The following ZNF526 variants were observed in gnomAD, a reference collection of about 807,000 sequenced individuals.
ZNF526 encodes zinc finger protein 526.
Under a neutral mutation model 32.4 loss-of-function variants are expected in ZNF526, and 16 were observed. That is an observed-to-expected ratio of 0.49 (90% CI 0.33 to 0.75). ZNF526 has a LOEUF of 0.75. ZNF526 is among the 30% of genes least tolerant of loss of function. The pLI is 0.02. For missense variants in ZNF526, 838 were observed against 920.7 expected, an observed-to-expected ratio of 0.91 and a Z score of 1.16; for synonymous variants, 355 against 363.4, an observed-to-expected ratio of 0.98 and a Z score of 0.26.
At chr19:42,221,044 A>G (rs1225360296) in intron 1 of ZNF526, among the ~76,000 whole-genome samples, 1 of 152,208 alleles carries the variant, frequency 6.6e-6, no homozygotes, top group African/African-American at 2.4e-5. Context: ...GTAGATAAGG[A>G]AAGTTTAGCT....
Position 42,226,884 on chromosome 19 carries a change from C to T in ZNF526, c.*468C>T. The T allele has an allele frequency of 3.9e-6, 1 of 253,616 alleles. No individual in the cohort carries two copies. Among genetic ancestry groups the T allele is most frequent in the South Asian group, 5.4e-5 (1 of 18,396 alleles). The allele number at this position is 253,616 out of a possible 1,614,324, so 15.7% of individuals were successfully genotyped here. ...GAGGGTACTTGATTTCTCTGGGCTT[C>T]CTTCATCTCAATTCTGACAGTGTGG... On this transcript the variant is annotated 3_prime_UTR_variant, in exon 3 of 3. Coordinates refer to ENST00000301215, the MANE Select transcript of ZNF526 (RefSeq NM_133444.3).
rs372668627 is a variant in ZNF526 at position 42,225,579 on chromosome 19, C to G, written c.1176C>G (p.Cys392Trp). 6.2e-7 allele frequency: 1 copy of G among 1,608,084 alleles called. No homozygotes were observed. The change falls in exon 3 of 3, where the codon TGC becomes TGG. Residue 392 changes from cysteine (C) to tryptophan (W), a missense_variant. Cys to Trp is a radical substitution (Grantham distance 215). Transcript: ENST00000301215. ...CCAACCCATTGCATCGCTGTCGTTG[C>G]GGCAAGACGTTCAGCAACATGACCA... ...HTANPLHRCR[C>W]GKTFSNMTKF... is the part of the protein sequence containing the mutation.
chr19:42,222,876 G>T (rs1258102900), intron 1 of ZNF526, among the ~76,000 whole-genome samples: 1 of 151,910 alleles, frequency 6.6e-6, no homozygotes, highest in Admixed American at 6.6e-5. Context: ...TCTTGGCAAA[G>T]GGAATAGCAA....
chr19:42,224,497 G>C lies in ZNF526; in HGVS notation c.94G>C (p.Glu32Gln), dbSNP rs757883823. The C allele has an allele frequency of 1.2e-6, 2 of 1,614,224 alleles. No individual in the cohort carries two copies. The highest frequency in any genetic ancestry group is 2.2e-5 in the South Asian group (2 of 91,092). ...MSTPMSAEMMEMSTEVTEMTP... is the reference protein window; with the variant it reads ...MSTPMSAEMMQMSTEVTEMTP... ...AACACCTATGTCGGCAGAGATGATG[G>C]AGATGTCAACAGAAGTGACTGAGAT... The change falls in exon 3 of 3, where the codon GAG becomes CAG. Residue 32 changes from glutamate (E) to glutamine (Q), a missense_variant. Coordinates refer to ENST00000301215, the MANE Select transcript of ZNF526 (RefSeq NM_133444.3).
intron 1 of ZNF526, among the ~76,000 whole-genome samples, chr19:42,222,582 C>T (rs546793640): frequency 2.6e-5 from 4 of 152,158 alleles, no homozygotes; most frequent in Non-Finnish European, 4.4e-5. Flanking sequence ...GGGTTGAGCC[C>T]ACATACGTAG....
chr19:42,224,493 G>T lies in ZNF526; in HGVS notation c.90G>T (p.Met30Ile). The change falls in exon 3 of 3, where the codon ATG (methionine) becomes ATT (isoleucine). Residue 30 changes from methionine to isoleucine, a missense_variant. Transcript: ENST00000301215. ...VEMSTPMSAE[M>I]MEMSTEVTEM... ...TGTCAACACCTATGTCGGCAGAGAT[G>T]ATGGAGATGTCAACAGAAGTGACTG... 1 of 1,614,210 alleles carries T rather than the reference G, an allele frequency of 6.2e-7. No homozygotes were observed.
At position 42,222,296 on chromosome 19, in the gene ZNF526, G is replaced by C. The variant is rs2036132834; in HGVS notation, c.-109+1909G>C. 2.0e-5 allele frequency among the ~76,000 whole-genome samples: 3 copies of C among 151,836 alleles called. No individual in the cohort carries two copies. In the South Asian group the frequency reaches 6.2e-4, roughly 32 times the overall value. ...GTAGAGACGGGGTTTCATCATGTTG[G>C]CCAGCATGGTCTCGATCTCTTGACC... On this transcript the variant is annotated intron_variant, in intron 1 of 2. Transcript: ENST00000301215.
chr19:42,222,748 T>G (rs1005133620), intron 1 of ZNF526, among the ~76,000 whole-genome samples: 1 of 152,166 alleles, frequency 6.6e-6, no homozygotes, highest in Non-Finnish European at 1.5e-5. Context: ...CTCATGATAT[T>G]TGCCATGATA....
Position 42,225,356 on chromosome 19 carries a change from A to G in ZNF526, c.953A>G (p.Asn318Ser), listed in dbSNP as rs748225266. The change falls in exon 3 of 3, where the codon AAC becomes AGC. Residue 318 changes from asparagine to serine, a missense_variant. By Grantham distance (46) the Asn-to-Ser change is conservative (BLOSUM62 1). Transcript: ENST00000301215. ...SQCQRSFSSA[N>S]RLQAHGRAHV... ...TGTCAGCGCAGTTTCAGCTCCGCCA[A>G]CCGGCTGCAGGCTCATGGGCGGGCC... 5 of 1,613,840 alleles carry G rather than the reference A, an allele frequency of 3.1e-6. No homozygotes were observed. The highest frequency in any genetic ancestry group is 2.5e-6 in the Non-Finnish European group (3 of 1,179,988).
chr19:42,223,981 A>ATATATATATATG lies in ZNF526; in HGVS notation c.-108-223_-108-222insGTATATATATAT, dbSNP rs1206659970. Among the ~76,000 whole-genome samples the ATATATATATATG allele has an allele frequency of 3.9e-4, 48 of 121,800 alleles. 1 individual carries two copies. Among genetic ancestry groups the ATATATATATATG allele is most frequent in the African/African-American group, 1.4e-3 (42 of 29,838 alleles). 79.9% of individuals were successfully genotyped at this position (121,800 alleles called of 152,430 possible). A position where few individuals can be genotyped will look rare whatever the true frequency, so the allele number is the denominator to read the frequency against. ...AAACCTTGTCTCTACTAAAATATAT[A>ATATATATATATG]TATATATATATATATATATATACAA... On this transcript the variant is annotated intron_variant, in intron 1 of 2. Coordinates refer to ENST00000301215, the MANE Select transcript of ZNF526 (RefSeq NM_133444.3).
rs998635541 is a variant in ZNF526, at chr19:42,224,268, G to A, written c.-55G>A. On this transcript the variant is annotated 5_prime_UTR_variant, in exon 2 of 3. Transcript: ENST00000301215. Reference sequence around the variant, plus strand: ...AGACATGGGATCACGGAAGACTGAAGCAGAAACAGTGGATTAAGACTTCCT... The same window carrying A: ...AGACATGGGATCACGGAAGACTGAAACAGAAACAGTGGATTAAGACTTCCT... 22 of 770,614 alleles carry A rather than the reference G, an allele frequency of 2.9e-5. No individual in the cohort carries two copies. Among genetic ancestry groups the A allele is most frequent in the Non-Finnish European group, 4.7e-5 (21 of 449,334 alleles). The allele number at this position is 770,614 out of a possible 1,614,324, so 47.7% of individuals were successfully genotyped here. A position where few individuals can be genotyped will look rare whatever the true frequency, so the allele number is the denominator to read the frequency against.
Position 42,226,233 on chromosome 19 carries a change from T to C in ZNF526, c.1830T>C (p.Ser610=). The stretch of plus-strand genomic sequence containing the variant: ...CGCTACAGCCTCCCAGATCACCATC[T>C]CCTGCCCCACCCCCACCTCCAGAGC... The part of the protein sequence containing the change: ...TLTLQPPRSP[S]PAPPPPPEPQ... The change falls in exon 3 of 3, where the codon TCT becomes TCC. Residue 610 remains serine (S), a synonymous_variant. Transcript: ENST00000301215. 6.2e-7 allele frequency: 1 copy of C among 1,612,980 alleles called. No individual in the cohort carries two copies. Among genetic ancestry groups the C allele is most frequent in the Non-Finnish European group, 8.5e-7 (1 of 1,180,010 alleles).
Position 42,225,471 on chromosome 19 carries a change from G to A in ZNF526, c.1068G>A (p.Gly356=). The change falls in exon 3 of 3, where the codon GGG becomes GGA. Residue 356 remains glycine, a synonymous_variant. Transcript: ENST00000301215. ...AGCAGCACTTGCGGCTGCATCGCGGGGAAGCCCGCTACCTCTGTGTAGACT... is the reference window on the plus strand; with the variant it reads ...AGCAGCACTTGCGGCTGCATCGCGGAGAAGCCCGCTACCTCTGTGTAGACT... ...SLEQHLRLHR[G]EARYLCVDCG... is the part of the protein sequence containing the mutation. 1 of 1,614,114 alleles carries A rather than the reference G, an allele frequency of 6.2e-7. No individual in the cohort carries two copies. The highest frequency in any genetic ancestry group is 1.1e-5 in the South Asian group (1 of 91,086).
intron 1 of ZNF526, 80 bp from the exon 2 acceptor site, chr19:42,224,135 G>A: frequency 4.5e-6 from 2 of 446,326 alleles, no homozygotes; most frequent in East Asian, 4.4e-5. Context: ...CTCCAGCTTG[G>A]GTGACAGACC....
rs2036192152 is a variant in ZNF526 at position 42,227,556 on chromosome 19, A to G, written c.*1140A>G. On this transcript the variant is annotated 3_prime_UTR_variant, in exon 3 of 3. Coordinates refer to ENST00000301215, the MANE Select transcript of ZNF526 (RefSeq NM_133444.3). Reference sequence around the variant, plus strand: ...GGCAGATCACGAGGTCAGGAGATCGAGACCATCCTGGCTAACACGGTGAAA... The same window carrying G: ...GGCAGATCACGAGGTCAGGAGATCGGGACCATCCTGGCTAACACGGTGAAA... The G allele has an allele frequency of 6.1e-6, 1 of 163,230 alleles. No individual in the cohort carries two copies. Among genetic ancestry groups the G allele is most frequent in the Non-Finnish European group, 1.5e-5 (1 of 68,068 alleles). 10.1% of individuals were successfully genotyped at this position (163,230 alleles called of 1,614,324 possible). A position where few individuals can be genotyped will look rare whatever the true frequency, so the allele number is the denominator to read the frequency against.
rs374261713 is a variant in ZNF526 at position 42,224,723 on chromosome 19, C to T, written c.320C>T (p.Pro107Leu). The stretch of plus-strand genomic sequence containing the variant: ...GAGCTGGTGCCGGGTGCTGAGGGGC[C>T]CTTCCAGTGTGGTGAATGCAGCCAG... ...EPELVPGAEG[P>L]FQCGECSQLI... Residue 107 changes from proline to leucine, a missense_variant, in exon 3 of 3, where the codon CCC becomes CTC. Coordinates refer to ENST00000301215, the MANE Select transcript of ZNF526 (RefSeq NM_133444.3). 1.2e-4 allele frequency: 193 copies of T among 1,614,074 alleles called. 2 individuals carry two copies. The East Asian group carries it at 3.2e-3, about 27-fold the overall frequency.
rs2036180253 is a variant in ZNF526, at chr19:42,226,274, T to C, written c.1871T>C (p.Met624Thr). The change falls in exon 3 of 3, where the codon ATG becomes ACG. Residue 624 changes from methionine (M) to threonine (T), a missense_variant. Coordinates refer to ENST00000301215, the MANE Select transcript of ZNF526 (RefSeq NM_133444.3). ...PPPPEPQQTI[M>T]CTELGETIAI... ...CCTCCAGAGCCTCAACAGACTATCA[T>C]GTGCACAGAGCTGGGGGAGACCATC... 2.5e-6 allele frequency: 4 copies of C among 1,613,904 alleles called. No individual in the cohort carries two copies. The highest frequency in any genetic ancestry group is 1.7e-5 in the Admixed American group (1 of 60,010).
chr19:42,226,638 T>C lies in ZNF526; in HGVS notation c.*222T>C. The C allele has an allele frequency of 1.4e-6, 1 of 693,546 alleles. No individual in the cohort carries two copies. The highest frequency in any genetic ancestry group is 2.6e-6 in the Non-Finnish European group (1 of 390,030). The allele number at this position is 693,546 out of a possible 1,614,324, so 43.0% of individuals were successfully genotyped here. ...ACTGAAGCTCTGAAATGCGATGTGA[T>C]CTGTACCAGGTCACCCAGCTATGCT... On this transcript the variant is annotated 3_prime_UTR_variant, in exon 3 of 3. Transcript: ENST00000301215.
chr19:42,226,380 A>AG lies in ZNF526; in HGVS notation c.1979dup (p.Gly661ArgfsTer38). ...AGGCTGCACTGGGGGCCAGTGAAGC[A>AG]GGCGGGCTCTTGCAGTTGGACACGG... On this transcript the variant is annotated frameshift_variant, in exon 3 of 3. Coordinates refer to ENST00000301215, the MANE Select transcript of ZNF526 (RefSeq NM_133444.3). LOFTEE classifies it high-confidence loss of function. 3.7e-6 allele frequency: 6 copies of AG among 1,614,242 alleles called. No homozygotes were observed. The highest frequency in any genetic ancestry group is 4.2e-6 in the Non-Finnish European group (5 of 1,180,034).
Sources: gnomAD v4.1 joint callset for allele counts (sites outside exome capture counted in the v4.1 genomes callset) on GRCh38, gnomAD v4.1.1 for gene constraint, MANE v1.5 for transcripts, NCBI Gene and HGNC (gene_info 2026-07-23, HGNC 2026-07-21) for gene names.